Variants in STK3 observed in about 807,000 individuals in gnomAD.
STK3 encodes serine/threonine-protein kinase 3.
A neutral mutation model predicts 58.0 loss-of-function variants in STK3; 41 were observed. The observed-to-expected ratio is 0.71, with a 90% CI of 0.55 to 0.92. The LOEUF (loss-of-function observed/expected upper bound fraction) is 0.92, where lower values mean the gene tolerates loss of function less well. Among genes scored for constraint, STK3 ranks in the 40% least tolerant of loss-of-function variants. The pLI is 0.00. For synonymous variants in STK3, 170 were observed against 191.0 expected, an observed-to-expected ratio of 0.89 and a Z score of 0.91; for missense variants, 479 against 602.7, an observed-to-expected ratio of 0.79 and a Z score of 2.15.
At chr8:98,935,982 T>C (rs749626209) in intron 1 of STK3, among the ~76,000 whole-genome samples, 21 of 152,078 alleles carry the variant, frequency 1.4e-4, no homozygotes, top group South Asian at 4.1e-4. Context: ...AGTGGCCCAA[T>C]ATTGGCTCAC....
intron 6 of STK3, among the ~76,000 whole-genome samples, chr8:98,684,322 C>T (rs996531339): frequency 6.6e-6 from 1 of 152,122 alleles, no homozygotes; most frequent in South Asian, 2.1e-4. Flanking sequence ...GGTTCAGGCA[C>T]AGAAACAGTA....
At chr8:98,903,511 C>G (rs1042876269) in intron 1 of STK3, among the ~76,000 whole-genome samples, 1 of 29,924 alleles carries the variant, frequency 3.3e-5, no homozygotes, top group Non-Finnish European at 5.4e-5. Context: ...TCTTCTTCTT[C>G]TTCTTCTTCT....
At chr8:98,816,325 GCA>G (rs1300899613) in intron 1 of STK3, among the ~76,000 whole-genome samples, 2 of 152,152 alleles carry the variant, frequency 1.3e-5, no homozygotes, top group Non-Finnish European at 2.9e-5. Context: ...ACCAGCCTAA[GCA>G]ACATGGCAAG....
chr8:98,939,746 A>C (rs931059463), intron 1 of STK3, among the ~76,000 whole-genome samples: 1 of 152,278 alleles, frequency 6.6e-6, no homozygotes, highest in African/African-American at 2.4e-5. Flanking sequence ...ATAGGTTTGC[A>C]GACCGTGCCC....
rs900067306 is a variant in STK3, at chr8:98,469,131, A to G, written c.1318-13131T>C. On this transcript the variant is annotated intron_variant, in intron 10 of 10. Transcript: ENST00000419617. ...TTTAAAAAAAAAAAGAAAGAAAAGA[A>G]AGATGAGAAAGTAATATGCCACCAT... 5.9e-5 allele frequency among the ~76,000 whole-genome samples: 9 copies of G among 151,932 alleles called. No individual in the cohort carries two copies. The South Asian group carries it at 1.0e-3, about 18-fold the overall frequency.
chr8:98,657,961 T>C (rs1821674829), intron 6 of STK3, among the ~76,000 whole-genome samples: 1 of 152,042 alleles, frequency 6.6e-6, no homozygotes, highest in Non-Finnish European at 1.5e-5. Flanking sequence ...CCATTTAATA[T>C]ATAAAGAAAG....
At chr8:98,932,824 A>C (rs1279476196) in intron 1 of STK3, among the ~76,000 whole-genome samples, 1 of 152,222 alleles carries the variant, frequency 6.6e-6, no homozygotes, top group African/African-American at 2.4e-5. Flanking sequence ...CTATTGATAC[A>C]GCCAATTACT....
At chr8:98,719,924 C>T (rs1827278614) in intron 4 of STK3, among the ~76,000 whole-genome samples, 1 of 152,184 alleles carries the variant, frequency 6.6e-6, no homozygotes, top group Non-Finnish European at 1.5e-5. Flanking sequence ...TAACAAATCC[C>T]TCCCACTACT....
chr8:98,581,313 C>T (rs1464643821), intron 7 of STK3, among the ~76,000 whole-genome samples: 1 of 152,114 alleles, frequency 6.6e-6, no homozygotes, highest in Non-Finnish European at 1.5e-5. Flanking sequence ...CACCAGACTG[C>T]CTCTGACCCC....
intron 6 of STK3, among the ~76,000 whole-genome samples, chr8:98,606,819 A>G (rs898510182): frequency 4.6e-5 from 7 of 152,322 alleles, no homozygotes; most frequent in Middle Eastern, 3.4e-3. Flanking sequence ...AGCATCCTTT[A>G]TAATAAACCT....
At chr8:98,471,722 A>C (rs1820933069) in intron 10 of STK3, among the ~76,000 whole-genome samples, 1 of 152,148 alleles carries the variant, frequency 6.6e-6, no homozygotes, top group Non-Finnish European at 1.5e-5. Context: ...CTGTAATTCA[A>C]AATCTTTCTA....
chr8:98,933,323 AC>A (rs1564113275), intron 1 of STK3, among the ~76,000 whole-genome samples: 1 of 152,216 alleles, frequency 6.6e-6, no homozygotes, highest in Non-Finnish European at 1.5e-5. Flanking sequence ...TTGTATACAG[AC>A]CGAAAAACAT....
intron 4 of STK3, among the ~76,000 whole-genome samples, chr8:98,738,376 G>C (rs959595408): frequency 3.9e-5 from 6 of 152,108 alleles, no homozygotes; most frequent in African/African-American, 1.4e-4. Flanking sequence ...GGGAGGATGA[G>C]GCACAAGAAT....
At chr8:98,429,047 G>C (rs1563600185) in intron 3 of STK3, 2 of 1,613,156 alleles carry the variant, frequency 1.2e-6, no homozygotes, top group Non-Finnish European at 1.7e-6. Flanking sequence ...AGGAGAACGA[G>C]GGCCTGGCCA....
chr8:98,751,343 T>C (rs1299537098), intron 3 of STK3, among the ~76,000 whole-genome samples: 1 of 152,202 alleles, frequency 6.6e-6, no homozygotes, highest in Non-Finnish European at 1.5e-5. Context: ...CATGATCCTG[T>C]ATCTAGAAAA....
intron 6 of STK3, among the ~76,000 whole-genome samples, chr8:98,658,916 A>C (rs1219726479): frequency 6.6e-6 from 1 of 152,092 alleles, no homozygotes; most frequent in African/African-American, 2.4e-5. Context: ...TATGCCCTAA[A>C]TACAACATGC....
At chr8:98,818,433 GC>G in intron 1 of STK3, among the ~76,000 whole-genome samples, 1 of 152,276 alleles carries the variant, frequency 6.6e-6, no homozygotes, top group South Asian at 2.1e-4. Context: ...AGTAAAGAAA[GC>G]CAGTTTTCAG....
At chr8:98,723,061 G>A in intron 4 of STK3, 1 of 321,148 alleles carries the variant, frequency 3.1e-6, no homozygotes, top group Non-Finnish European at 6.1e-6. Flanking sequence ...ATTTAATTAG[G>A]TTATCCTCAA....
At chr8:98,441,492 T>C (rs1292197872) in intron 1 of STK3, among the ~76,000 whole-genome samples, 1 of 152,242 alleles carries the variant, frequency 6.6e-6, no homozygotes, top group Non-Finnish European at 1.5e-5. Flanking sequence ...CAAGGCCATC[T>C]GACTGGCAAG....
Sources: allele counts gnomAD v4.1 joint callset (sites outside exome capture counted in the v4.1 genomes callset), GRCh38; gene constraint gnomAD v4.1.1; transcripts MANE v1.5; gene names NCBI Gene and HGNC (gene_info 2026-07-23, HGNC 2026-07-21).